USP15: variants seen among roughly 807,000 people sequenced by gnomAD.
USP15 encodes the protein ubiquitin specific peptidase 15.
USP15 carries 18 observed loss-of-function variants against 127.1 expected under a neutral mutation model. The observed-to-expected ratio is 0.14, with a 90% CI of 0.10 to 0.21. The LOEUF (loss-of-function observed/expected upper bound fraction) is 0.21. USP15 is among the 10% of genes least tolerant of loss of function. USP15 has a pLI of 1.00. For missense variants in USP15, 805 were observed against 1,159.9 expected (o/e 0.69, Z 4.44); for synonymous variants, 364 against 393.7 (o/e 0.92, Z 0.89).
intron 4 of USP15, 118 bp from the exon 5 acceptor site, chr12:62,321,346 A>G: frequency 1.7e-6 from 1 of 597,900 alleles, no homozygotes; most frequent in South Asian, 4.7e-5. Flanking sequence ...TTTATTACAT[A>G]TTTAGTCTTG....
intron 3 of USP15, among the ~76,000 whole-genome samples, chr12:62,309,199 T>C (rs1300448279): frequency 6.6e-6 from 1 of 151,930 alleles, no homozygotes; most frequent in Non-Finnish European, 1.5e-5. Flanking sequence ...TGTTTAAGAA[T>C]AAAAAGAGAG....
chr12:62,271,096 C>G (rs1325105389), intron 1 of USP15, among the ~76,000 whole-genome samples: 5 of 151,946 alleles, frequency 3.3e-5, no homozygotes, highest in African/African-American at 1.2e-4. Context: ...TGCTAATTAT[C>G]AAAAACACAT....
rs996911990 is a variant in USP15 at position 62,411,006 on chromosome 12, A to G, written c.*6631A>G. ...CAACAGGCACCTTGGTTGCAACACC[A>G]TGAAAGACCTTGATCCAGAGGTTCT... On this transcript the variant is annotated 3_prime_UTR_variant, in exon 22 of 22. Coordinates refer to ENST00000280377, the MANE Select transcript of USP15 (RefSeq NM_001252078.2). The G allele has an allele frequency of 6.6e-6, 1 of 152,194 alleles. No individual in the cohort carries two copies. Among genetic ancestry groups the G allele is most frequent in the Non-Finnish European group, 1.5e-5 (1 of 68,038 alleles). The allele number at this position is 152,194 out of a possible 1,614,324, so 9.4% of individuals were successfully genotyped here.
At chr12:62,399,806 T>A (rs1208071815) in intron 20 of USP15, among the ~76,000 whole-genome samples, 2 of 152,174 alleles carry the variant, frequency 1.3e-5, no homozygotes, top group African/African-American at 4.8e-5. Flanking sequence ...TATTTTATTG[T>A]GATTGGTTGG....
At chr12:62,282,066 G>A (rs1312197652) in intron 1 of USP15, among the ~76,000 whole-genome samples, 4 of 152,146 alleles carry the variant, frequency 2.6e-5, no homozygotes, top group Non-Finnish European at 5.9e-5. Flanking sequence ...ACTGGCTCAT[G>A]TCTGTAATCC....
At chr12:62,336,080 A>G in intron 6 of USP15, 2 of 985,410 alleles carry the variant, frequency 2.0e-6, no homozygotes, top group Non-Finnish European at 2.4e-6. Flanking sequence ...AACTGTTTGC[A>G]GCAGCTCTAC....
chr12:62,403,997 T>G (rs927213629), intron 21 of USP15, among the ~76,000 whole-genome samples, 196 bp from the exon 22 acceptor site: 2 of 152,084 alleles, frequency 1.3e-5, no homozygotes, highest in Admixed American at 6.6e-5. Context: ...ACATAAAAAT[T>G]TGTAATTCTA....
Position 62,406,689 on chromosome 12 carries a change from G to A in USP15, c.*2314G>A, listed in dbSNP as rs1240891578. On this transcript the variant is annotated 3_prime_UTR_variant, in exon 22 of 22. Transcript: ENST00000280377. ...AAAGTAGGCATTCAGACTGGGCACG[G>A]TGGTTCATGCCTGTAATCCCAGCAC... is the stretch of plus-strand genomic sequence containing the variant. 6.6e-6 allele frequency: 1 copy of A among 152,256 alleles called. No individual in the cohort carries two copies. The highest frequency in any genetic ancestry group is 2.4e-5 in the African/African-American group (1 of 41,466). 9.4% of individuals were successfully genotyped at this position (152,256 alleles called of 1,614,324 possible).
intron 3 of USP15, among the ~76,000 whole-genome samples, chr12:62,312,786 C>A (rs901985970): frequency 2.6e-5 from 4 of 151,474 alleles, no homozygotes; most frequent in Non-Finnish European, 3.0e-5. Context: ...TCCTGTTAGT[C>A]TTCATGACCA....
In USP15 at chr12:62,390,925, G is replaced by T; in HGVS notation, c.1906G>T (p.Asp636Tyr). Residue 636 changes from aspartate (D) to tyrosine (Y), a missense_variant, in exon 15 of 22, where the codon GAC (aspartate) becomes TAC (tyrosine). Transcript: ENST00000280377. ...TGAAGGATCCCTACACTGCTGTAAGGACCAAAATATTAATGGGAATGGCCC... is the reference window on the plus strand; with the variant it reads ...TGAAGGATCCCTACACTGCTGTAAGTACCAAAATATTAATGGGAATGGCCC... The part of the protein sequence containing the change: ...ETEGSLHCCK[D>Y]QNINGNGPNG... 6.2e-7 allele frequency: 1 copy of T among 1,612,896 alleles called. No individual in the cohort carries two copies. Among genetic ancestry groups the T allele is most frequent in the Non-Finnish European group, 8.5e-7 (1 of 1,179,350 alleles).
At chr12:62,304,045 T>C (rs911981292) in intron 3 of USP15, among the ~76,000 whole-genome samples, 4 of 151,382 alleles carry the variant, frequency 2.6e-5, no homozygotes, top group African/African-American at 9.8e-5. Context: ...GTCCAAAATA[T>C]CTCTAAAGGT....
intron 5 of USP15, 124 bp from the exon 6 acceptor site, chr12:62,325,748 T>C: frequency 1.4e-6 from 1 of 724,526 alleles, no homozygotes; most frequent in Non-Finnish European, 2.2e-6. Flanking sequence ...GTTCACCTTG[T>C]CTACTGTTTT....
chr12:62,330,460 C>T lies in USP15; in HGVS notation c.683+4527C>T, dbSNP rs560887529. On this transcript the variant is annotated intron_variant, in intron 6 of 21. Transcript: ENST00000280377. ...AAAAATTAGGCATGGTAACAGGCGC[C>T]TGTAACCCCAGCTATTCAGGAGGCT... 3.3e-5 allele frequency among the ~76,000 whole-genome samples: 5 copies of T among 151,750 alleles called. No homozygotes were observed. The East Asian group carries it at 9.7e-4, about 29-fold the overall frequency.
intron 7 of USP15, among the ~76,000 whole-genome samples, chr12:62,350,376 G>C (rs1367388261): frequency 6.6e-6 from 1 of 152,076 alleles, no homozygotes; most frequent in Non-Finnish European, 1.5e-5. Flanking sequence ...AGGCATTGTA[G>C]ACTAATACGA....
chr12:62,319,232 CAT>C (rs2064917592), intron 4 of USP15, among the ~76,000 whole-genome samples: 1 of 152,144 alleles, frequency 6.6e-6, no homozygotes, highest in African/African-American at 2.4e-5. Context: ...AACCAGATCA[CAT>C]GAGAACTCAC....
chr12:62,346,083 C>T (rs2065808517), intron 6 of USP15, among the ~76,000 whole-genome samples: 1 of 152,182 alleles, frequency 6.6e-6, no homozygotes, highest in South Asian at 2.1e-4. Context: ...AGAGTGGTGT[C>T]ATGAAAACAA....
chr12:62,386,424 C>G (rs1194968922), intron 11 of USP15, among the ~76,000 whole-genome samples: 1 of 151,920 alleles, frequency 6.6e-6, no homozygotes, highest in Non-Finnish European at 1.5e-5. Context: ...GTTTCTAGTC[C>G]TTGTTCTTCA....
chr12:62,399,088 A>G (rs2067592156), intron 20 of USP15, among the ~76,000 whole-genome samples: 2 of 152,014 alleles, frequency 1.3e-5, no homozygotes, highest in African/African-American at 4.8e-5. Flanking sequence ...TTTTTGTTGA[A>G]TGTGTCTCTT....
chr12:62,324,328 T>G (rs1440453726), intron 5 of USP15, among the ~76,000 whole-genome samples: 1 of 151,980 alleles, frequency 6.6e-6, no homozygotes, highest in African/African-American at 2.4e-5. Flanking sequence ...TATGGTTAAA[T>G]AATTATATTA....
Sources: gnomAD v4.1 joint callset for allele counts (sites outside exome capture counted in the v4.1 genomes callset) on GRCh38, gnomAD v4.1.1 for gene constraint, MANE v1.5 for transcripts, NCBI Gene and HGNC (gene_info 2026-07-23, HGNC 2026-07-21) for gene names.